The following TEX9 variants were observed in gnomAD, a reference collection of about 807,000 sequenced individuals.
TEX9 encodes testis-expressed protein 9.
In TEX9, 74 loss-of-function variants were observed where a neutral mutation model predicts 59.6. That is an observed-to-expected ratio of 1.24 (90% CI 1.03 to 1.51). The LOEUF is 1.51. Ranked by LOEUF, TEX9 falls within the 40% of genes most tolerant of loss-of-function variation. The pLI, the probability that TEX9 is intolerant of heterozygous loss-of-function variation, is 0.00. For missense variants in TEX9, 522 were observed against 447.8 expected, an observed-to-expected ratio of 1.17 and a Z score of -1.49; for synonymous variants, 186 against 152.2, an observed-to-expected ratio of 1.22 and a Z score of -1.64.
At chr15:56,450,203 A>G (rs2050938732), downstream of TEX9, among the ~76,000 whole-genome samples, 1 of 152,176 alleles carries the variant, frequency 6.6e-6, no homozygotes, top group African/African-American at 2.4e-5. Context: ...AGCCTTAACT[A>G]TATGCCACAA....
intron 1 of TEX9, among the ~76,000 whole-genome samples, chr15:56,338,268 A>G (rs1416294606): frequency 6.6e-6 from 1 of 152,228 alleles, no homozygotes; most frequent in Non-Finnish European, 1.5e-5. Flanking sequence ...TGCCACTTGG[A>G]TTCTCCTCTT....
At chr15:56,354,799 C>T (rs2046654622) in intron 1 of TEX9, among the ~76,000 whole-genome samples, 1 of 152,094 alleles carries the variant, frequency 6.6e-6, no homozygotes, top group Admixed American at 6.6e-5. Context: ...AATAGTGGTG[C>T]ACTTTTAATA....
rs141350565 is a variant in TEX9 at position 56,420,270 on chromosome 15, C to T, written c.964-7335C>T. ...TCTGCTCTTCTATTTCTTTCCCTCT[C>T]CTTACTTTTGGGTTCAATTTGTTCT... is the stretch of plus-strand genomic sequence containing the variant. On this transcript the variant is annotated intron_variant, in intron 10 of 12. Coordinates refer to ENST00000352903, the Ensembl canonical transcript of TEX9. Among the ~76,000 whole-genome samples the T allele has an allele frequency of 1.6e-3, 248 of 151,000 alleles. 7 individuals carry two copies. The highest frequency in any genetic ancestry group is 5.8e-3 in the African/African-American group (238 of 40,972).
At chr15:56,456,407 C>A in the TEX9 span, 1 of 1,607,682 alleles carries the variant, frequency 6.2e-7, no homozygotes, top group Non-Finnish European at 8.5e-7. Flanking sequence ...TTTTCTCTTA[C>A]TTGTTGCCTC....
At chr15:56,412,168 C>A (rs2049385383) in intron 9 of TEX9, 134 bp from the exon 10 acceptor site, 2 of 749,734 alleles carry the variant, frequency 2.7e-6, no homozygotes, top group South Asian at 2.5e-5. Flanking sequence ...GCCTCTACCC[C>A]CAAGCGTGTG....
intron 12 of TEX9, chr15:56,443,908 T>A: frequency 1.5e-6 from 2 of 1,295,740 alleles, no homozygotes; most frequent in Non-Finnish European, 2.1e-6. Context: ...TATAAAAAAG[T>A]AATTTCATTT....
At chr15:56,407,980 G>T (rs1167020845) in intron 9 of TEX9, among the ~76,000 whole-genome samples, 1 of 152,148 alleles carries the variant, frequency 6.6e-6, no homozygotes, top group East Asian at 1.9e-4. Flanking sequence ...ACTGGCAATT[G>T]TCCTTCCTCT....
chr15:56,408,090 A>G (rs1204877024), intron 9 of TEX9, among the ~76,000 whole-genome samples: 1 of 152,200 alleles, frequency 6.6e-6, no homozygotes, highest in African/African-American at 2.4e-5. Context: ...TAGATCTTAC[A>G]TCTACCTCCA....
upstream of TEX9, chr15:56,365,287 T>G (rs559720307): frequency 2.6e-5 from 23 of 874,336 alleles, no homozygotes; most frequent in East Asian, 5.1e-4. Flanking sequence ...CAGCGCCGAG[T>G]GCTGCGAGCA....
intron 1 of TEX9, among the ~76,000 whole-genome samples, chr15:56,307,052 A>G (rs1279039405): frequency 1.1e-4 from 16 of 152,220 alleles, no homozygotes; most frequent in African/African-American, 3.6e-4. Context: ...GTGCTCAGTA[A>G]CATAATTATT....
chr15:56,280,002 G>T (rs993179647), intron 1 of TEX9, among the ~76,000 whole-genome samples: 13 of 152,222 alleles, frequency 8.5e-5, no homozygotes, highest in African/African-American at 2.9e-4. Flanking sequence ...CCAGTCAGCT[G>T]TGTATTCATA....
chr15:56,444,719 T>A (rs773541436), intron 12 of TEX9: 1 of 1,409,810 alleles, frequency 7.1e-7, no homozygotes, highest in Non-Finnish European at 9.9e-7. Context: ...AATTTGAACA[T>A]AGTACGATAG....
At chr15:56,416,962 C>T (rs1374462341) in intron 10 of TEX9, among the ~76,000 whole-genome samples, 1 of 151,644 alleles carries the variant, frequency 6.6e-6, no homozygotes, top group Non-Finnish European at 1.5e-5. Context: ...GGAATTTGTC[C>T]ATCTCTTCTA....
intron 2 of TEX9, among the ~76,000 whole-genome samples, chr15:56,370,125 T>C (rs1013207979): frequency 6.6e-6 from 1 of 152,184 alleles, no homozygotes; most frequent in Admixed American, 6.5e-5. Flanking sequence ...TTAGCCACCT[T>C]ATTTTTTATA....
At chr15:56,248,133 T>C (rs530526978) in intron 1 of TEX9, among the ~76,000 whole-genome samples, 9 of 152,254 alleles carry the variant, frequency 5.9e-5, no homozygotes, top group Admixed American at 3.9e-4. Flanking sequence ...CAGTCTTTAA[T>C]AGCATTAGAG....
At chr15:56,377,096 T>G (rs1259655511) in intron 3 of TEX9, among the ~76,000 whole-genome samples, 1 of 152,180 alleles carries the variant, frequency 6.6e-6, no homozygotes, top group Non-Finnish European at 1.5e-5. Flanking sequence ...TTTTCTCTAT[T>G]CTGTTCCATT....
At chr15:56,377,166 T>C (rs973611487) in intron 3 of TEX9, among the ~76,000 whole-genome samples, 19 of 152,192 alleles carry the variant, frequency 1.2e-4, no homozygotes, top group African/African-American at 4.1e-4. Context: ...AGCACCATAG[T>C]ATAATTTGAA....
chr15:56,422,900 C>T (rs943955007), intron 10 of TEX9, among the ~76,000 whole-genome samples: 1 of 152,186 alleles, frequency 6.6e-6, no homozygotes, highest in East Asian at 1.9e-4. Context: ...TAGAATTATA[C>T]CATATTTGTT....
chr15:56,299,607 C>T (rs1453734200), intron 1 of TEX9, among the ~76,000 whole-genome samples: 7 of 152,160 alleles, frequency 4.6e-5, no homozygotes, highest in Middle Eastern at 3.4e-3. Context: ...TAGCTCAGCT[C>T]GAAGCTCCAG....
Sources: allele counts gnomAD v4.1 joint callset (sites outside exome capture counted in the v4.1 genomes callset), GRCh38; gene constraint gnomAD v4.1.1; transcripts MANE v1.5; gene names NCBI Gene and HGNC (gene_info 2026-07-23, HGNC 2026-07-21).